PLCXD3: variants seen among roughly 807,000 people sequenced by gnomAD.
PLCXD3 encodes the protein phosphatidylinositol specific phospholipase C X domain containing 3.
Under a neutral mutation model 25.5 loss-of-function variants are expected in PLCXD3, and 19 were observed. That is an observed-to-expected ratio of 0.75 (90% confidence interval 0.52 to 1.09). The LOEUF (loss-of-function observed/expected upper bound fraction) is 1.09. Ranked by LOEUF, PLCXD3 falls within the 50% of genes least tolerant of loss-of-function variation. PLCXD3 has a pLI of 0.00. For synonymous variants in PLCXD3, 174 were observed against 137.6 expected, an observed-to-expected ratio of 1.26 and a Z score of -1.85; for missense variants, 411 against 388.1, an observed-to-expected ratio of 1.06 and a Z score of -0.50.
chr5:41,327,387 T>TA (rs563274977), intron 2 of PLCXD3, among the ~76,000 whole-genome samples: 161 of 150,888 alleles, frequency 1.1e-3, no homozygotes, highest in African/African-American at 3.3e-3. Context: ...AAGAAATTTT[T>TA]AAAAAATTTT....
chr5:41,411,057 A>G (rs1349968436), intron 1 of PLCXD3, among the ~76,000 whole-genome samples: 1 of 152,116 alleles, frequency 6.6e-6, no homozygotes, highest in Non-Finnish European at 1.5e-5. Context: ...ACAAGTCCAT[A>G]TCACTAAAAC....
intron 2 of PLCXD3, among the ~76,000 whole-genome samples, chr5:41,329,306 C>A (rs566448218): frequency 6.6e-6 from 1 of 152,110 alleles, no homozygotes; most frequent in Non-Finnish European, 1.5e-5. Flanking sequence ...CGTATTTATG[C>A]GTTTGATCAA....
chr5:41,408,925 G>C (rs1475565236), intron 1 of PLCXD3, among the ~76,000 whole-genome samples: 1 of 152,186 alleles, frequency 6.6e-6, no homozygotes, highest in African/African-American at 2.4e-5. Context: ...ATGTGGCAAA[G>C]ATGAGGAAGA....
At chr5:41,425,347 A>G (rs1223033195) in intron 1 of PLCXD3, among the ~76,000 whole-genome samples, 1 of 151,780 alleles carries the variant, frequency 6.6e-6, no homozygotes, top group Non-Finnish European at 1.5e-5. Context: ...TTAAGTTTCC[A>G]GGAAAATTAA....
chr5:41,380,388 A>G (rs963046945), intron 2 of PLCXD3, among the ~76,000 whole-genome samples: 6 of 152,030 alleles, frequency 3.9e-5, no homozygotes, highest in African/African-American at 1.2e-4. Context: ...CCTTGCTGAA[A>G]CAGTTCTAAG....
intron 2 of PLCXD3, among the ~76,000 whole-genome samples, chr5:41,314,920 T>A (rs1743245208): frequency 6.6e-6 from 1 of 152,004 alleles, no homozygotes; most frequent in African/African-American, 2.4e-5. Context: ...GCCTGGAAAA[T>A]CAAGGAAAGT....
At chr5:41,392,016 G>A (rs141013954) in intron 1 of PLCXD3, among the ~76,000 whole-genome samples, 2 of 152,280 alleles carry the variant, frequency 1.3e-5, no homozygotes, top group African/African-American at 4.8e-5. Context: ...TGTAGTTTGA[G>A]TGCCGGCTCA....
intron 1 of PLCXD3, among the ~76,000 whole-genome samples, chr5:41,485,902 A>G (rs11951028): frequency 0.11 from 17,036 of 152,092 alleles, 1,406 homozygotes; most frequent in African/African-American, 0.23. Context: ...TTTTTTTAGT[A>G]TGAGTCTTGT....
intron 1 of PLCXD3, among the ~76,000 whole-genome samples, chr5:41,446,176 C>CAAAAAAAAAAAAAAAAAAAAAA (rs70988847): frequency 1.0e-4 from 4 of 38,122 alleles, no homozygotes; most frequent in Non-Finnish European, 2.0e-4. Context: ...GACTCCTTCT[C>CAAAAAAAAAAAAAAAAAAAAAA]AAAAAAAAAA....
chr5:41,364,604 T>A (rs898627231), intron 2 of PLCXD3, among the ~76,000 whole-genome samples: 1 of 152,156 alleles, frequency 6.6e-6, no homozygotes, highest in Non-Finnish European at 1.5e-5. Context: ...TATTATTAGA[T>A]CTCAGAGACA....
At chr5:41,382,614 T>TGC in intron 1 of PLCXD3, 80 bp from the exon 2 acceptor site, 1 of 1,078,634 alleles carries the variant, frequency 9.3e-7, no homozygotes, top group Non-Finnish European at 1.3e-6. Context: ...GCAATATCCA[T>TGC]ACCTCTCCCT....
chr5:41,480,604 A>ATG (rs1240989725), intron 1 of PLCXD3, among the ~76,000 whole-genome samples: 2 of 151,994 alleles, frequency 1.3e-5, no homozygotes, highest in Non-Finnish European at 2.9e-5. Flanking sequence ...ATTTAAGACA[A>ATG]TGTCTAGGTC....
chr5:41,396,213 T>C (rs1392836089), intron 1 of PLCXD3, among the ~76,000 whole-genome samples: 2 of 152,138 alleles, frequency 1.3e-5, no homozygotes, highest in Admixed American at 6.5e-5. Context: ...AGGAACTTGG[T>C]GGGAGGTGAT....
intron 2 of PLCXD3, among the ~76,000 whole-genome samples, chr5:41,348,784 C>G (rs1744372907): frequency 6.6e-6 from 1 of 152,080 alleles, no homozygotes; most frequent in African/African-American, 2.4e-5. Context: ...AGACCTGCAG[C>G]TGATACCATG....
chr5:41,332,704 A>C (rs375211469), intron 2 of PLCXD3, among the ~76,000 whole-genome samples: 2 of 152,156 alleles, frequency 1.3e-5, no homozygotes. Context: ...CAAATGTCCA[A>C]CAATGATAGA....
chr5:41,345,156 T>C (rs774064436), intron 2 of PLCXD3, among the ~76,000 whole-genome samples: 9 of 152,236 alleles, frequency 5.9e-5, no homozygotes, highest in Non-Finnish European at 1.2e-4. Context: ...ATTAGATTTG[T>C]GTCCAAATAA....
intron 2 of PLCXD3, among the ~76,000 whole-genome samples, chr5:41,354,401 G>C (rs1744560091): frequency 6.6e-6 from 1 of 151,946 alleles, no homozygotes; most frequent in Non-Finnish European, 1.5e-5. Context: ...CATCAGAAGT[G>C]ACCTAAGCCA....
At chr5:41,467,799 A>T (rs1204092859) in intron 1 of PLCXD3, among the ~76,000 whole-genome samples, 1 of 152,148 alleles carries the variant, frequency 6.6e-6, no homozygotes, top group Admixed American at 6.5e-5. Flanking sequence ...TCCCGACACC[A>T]TTAATTGAAG....
intron 2 of PLCXD3, among the ~76,000 whole-genome samples, chr5:41,363,733 C>G (rs1308162732): frequency 6.6e-6 from 1 of 152,138 alleles, no homozygotes; most frequent in Non-Finnish European, 1.5e-5. Flanking sequence ...TAGCTTGTTT[C>G]AAAAAGCAAT....
Sources: gnomAD v4.1 joint callset for allele counts (sites outside exome capture counted in the v4.1 genomes callset) on GRCh38, gnomAD v4.1.1 for gene constraint, MANE v1.5 for transcripts, NCBI Gene and HGNC (gene_info 2026-07-23, HGNC 2026-07-21) for gene names.